The following DNAH8 variants were observed in gnomAD, a reference collection of about 807,000 sequenced individuals.
The protein encoded by DNAH8 is dynein axonemal heavy chain 8, also known as axonemal beta dynein heavy chain 8.
A neutral mutation model predicts 562.1 loss-of-function variants in DNAH8; 382 were observed. That is an observed-to-expected ratio of 0.68 (90% CI 0.63 to 0.74). DNAH8 has a LOEUF of 0.74. DNAH8 is among the 30% of genes least tolerant of loss of function. DNAH8 has a pLI of 0.00. For missense variants in DNAH8, 5,203 were observed against 5,620.4 expected, an observed-to-expected ratio of 0.93 and a Z score of 2.37; for synonymous variants, 1,881 against 1,919.4, an observed-to-expected ratio of 0.98 and a Z score of 0.52.
chr6:38,815,586 CTG>C lies in DNAH8; in HGVS notation c.3454_3455del (p.Val1152HisfsTer8), dbSNP rs761228106. On this transcript the variant is annotated frameshift_variant, in exon 26 of 93. Transcript: ENST00000327475. LOFTEE classifies it high-confidence loss of function. Reference sequence around the variant, plus strand: ...CAACAGCAAATCCGTCCCATCAAGTCTGTCATTCCCAGCCCCACCACTACTGA... The same window carrying C: ...CAACAGCAAATCCGTCCCATCAAGTCTCATTCCCAGCCCCACCACTACTGA... The C allele has an allele frequency of 1.2e-6, 2 of 1,614,030 alleles. No individual in the cohort carries two copies. Among genetic ancestry groups the C allele is most frequent in the East Asian group, 4.5e-5 (2 of 44,846 alleles).
intron 88 of DNAH8, 42 bp from the exon 89 acceptor site, chr6:39,008,772 T>C (rs757103488): frequency 1.5e-6 from 2 of 1,310,020 alleles, no homozygotes; most frequent in South Asian, 1.4e-5. Context: ...ATCTCTTACA[T>C]GTTTCCCTGT....
chr6:38,770,514 G>C lies in DNAH8; in HGVS notation c.1719G>C (p.Met573Ile). 6.2e-7 allele frequency: 1 copy of C among 1,604,214 alleles called. No homozygotes were observed. The highest frequency in any genetic ancestry group is 8.5e-7 in the Non-Finnish European group (1 of 1,177,616). The change falls in exon 12 of 93, where the codon ATG (methionine) becomes ATC (isoleucine). Residue 573 changes from methionine to isoleucine, a missense_variant. Transcript: ENST00000327475. Reference protein sequence around the residue: ...SGEKSFEVSEMYIFGKFEAFC... With the variant: ...SGEKSFEVSEIYIFGKFEAFC... The stretch of plus-strand genomic sequence containing the variant: ...AAAAATCTTTTGAGGTTTCAGAAAT[G>C]TATATATTTGGAAAATTTGAAGCTT...
rs758936353 is a variant in DNAH8 at position 38,951,304 on chromosome 6, G to C, written c.12249-14G>C. On this transcript the variant is annotated splice_polypyrimidine_tract_variant and intron_variant, in intron 81 of 92. Coordinates refer to ENST00000327475, the MANE Select transcript of DNAH8 (RefSeq NM_001206927.2). Reference sequence around the variant, plus strand: ...ACGTTTAGTTTATTTCGCCTAACTTGTATTCATTTTTAGGTCTTGGTGCCC... The same window carrying C: ...ACGTTTAGTTTATTTCGCCTAACTTCTATTCATTTTTAGGTCTTGGTGCCC... The C allele has an allele frequency of 1.9e-6, 3 of 1,611,744 alleles. No homozygotes were observed. Among genetic ancestry groups the C allele is most frequent in the South Asian group, 2.2e-5 (2 of 90,948 alleles).
chr6:38,893,503 A>G (rs918589137), intron 58 of DNAH8, among the ~76,000 whole-genome samples: 9 of 152,198 alleles, frequency 5.9e-5, no homozygotes, highest in Non-Finnish European at 2.9e-5. Flanking sequence ...GGAGTGTTAT[A>G]CTATAAAAAA....
chr6:38,922,940 G>C, intron 71 of DNAH8, 118 bp from the exon 72 acceptor site: 2 of 1,009,128 alleles, frequency 2.0e-6, no homozygotes, highest in Non-Finnish European at 2.9e-6. Flanking sequence ...GTATTTTTAG[G>C]TTATATTATT....
At chr6:38,891,775 G>C (rs550778426) in intron 58 of DNAH8, among the ~76,000 whole-genome samples, 1 of 152,312 alleles carries the variant, frequency 6.6e-6, no homozygotes, top group East Asian at 1.9e-4. Context: ...TATATACATA[G>C]TTCTCTGAAA....
At chr6:38,734,927 T>C (rs1266927187) in intron 5 of DNAH8, among the ~76,000 whole-genome samples, 2 of 152,220 alleles carry the variant, frequency 1.3e-5, no homozygotes. Flanking sequence ...CTTCACTCAA[T>C]ATTTTAACTC....
intron 58 of DNAH8, among the ~76,000 whole-genome samples, chr6:38,893,062 C>T (rs566849939): frequency 2.0e-5 from 3 of 152,170 alleles, no homozygotes; most frequent in African/African-American, 7.2e-5. Flanking sequence ...CCTGTTCATT[C>T]TCAGGCTCTC....
rs1213005315 is a variant in DNAH8, at chr6:38,888,504, T to C, written c.8473+1500T>C. ...ACATATAATAACAACAAAAATGTCA[T>C]ATTCTGAATATTTAGAGAAATCCTA... On this transcript the variant is annotated intron_variant, in intron 57 of 92. Coordinates refer to ENST00000327475, the MANE Select transcript of DNAH8 (RefSeq NM_001206927.2). 2.6e-5 allele frequency among the ~76,000 whole-genome samples: 4 copies of C among 152,200 alleles called. No homozygotes were observed. The East Asian group carries it at 5.8e-4, about 22-fold the overall frequency.
At chr6:38,911,012 C>A (rs2150529952) in intron 65 of DNAH8, among the ~76,000 whole-genome samples, 1 of 152,216 alleles carries the variant, frequency 6.6e-6, no homozygotes, top group Admixed American at 6.5e-5. Flanking sequence ...TTCTGTAAAC[C>A]CACCCAGCTG....
intron 19 of DNAH8, 32 bp downstream of exon 19, chr6:38,789,915 C>T (rs1769544771): frequency 4.0e-6 from 6 of 1,512,298 alleles, no homozygotes; most frequent in Non-Finnish European, 5.5e-6. Context: ...TATTGATTTT[C>T]CTGTTATTTA....
rs1489751499 is a variant in DNAH8 at position 38,857,651 on chromosome 6, A to G, written c.5867A>G (p.Gln1956Arg). 1.2e-6 allele frequency: 2 copies of G among 1,613,738 alleles called. No individual in the cohort carries two copies. The highest frequency in any genetic ancestry group is 2.7e-5 in the African/African-American group (2 of 75,042). ...FLDILNTLIS[Q>R]TTHDLSKFDR... Reference sequence around the variant, plus strand: ...GATATTCTAAATACTCTCATTAGTCAGACAACACATGATCTAAGCAAGTTT... The same window carrying G: ...GATATTCTAAATACTCTCATTAGTCGGACAACACATGATCTAAGCAAGTTT... The change falls in exon 42 of 93, where the codon CAG (glutamine) becomes CGG (arginine). Residue 1956 changes from glutamine to arginine, a missense_variant. Gln to Arg is a conservative substitution (Grantham distance 43). Transcript: ENST00000327475.
At chr6:38,772,279 C>G (rs187538520) in intron 12 of DNAH8, among the ~76,000 whole-genome samples, 200 of 152,214 alleles carry the variant, frequency 1.3e-3, no homozygotes, top group African/African-American at 4.6e-3. Flanking sequence ...CCACCCACCT[C>G]GACCTCCCAA....
chr6:38,801,551 A>G (rs1385761748), intron 21 of DNAH8, among the ~76,000 whole-genome samples: 3 of 152,254 alleles, frequency 2.0e-5, no homozygotes, highest in Admixed American at 6.5e-5. Flanking sequence ...TGCCATGATC[A>G]GCTGGAATTG....
intron 21 of DNAH8, among the ~76,000 whole-genome samples, chr6:38,798,555 G>A (rs1259778599): frequency 2.6e-5 from 4 of 152,194 alleles, no homozygotes; most frequent in Non-Finnish European, 5.9e-5. Context: ...TTTGCCACTT[G>A]TTGAACATAA....
At chr6:39,009,146 C>G (rs1414934317) in intron 89 of DNAH8, among the ~76,000 whole-genome samples, 176 bp downstream of exon 89, 1 of 152,132 alleles carries the variant, frequency 6.6e-6, no homozygotes, top group Middle Eastern at 3.2e-3. Context: ...ACATAGTTCT[C>G]TCTTCAAAAC....
In DNAH8 at chr6:38,722,818, G is replaced by T. The variant is rs565853864; in HGVS notation, c.9G>T (p.Lys3Asn). The T allele has an allele frequency of 3.2e-6, 5 of 1,586,390 alleles. No individual in the cohort carries two copies. The highest frequency in any genetic ancestry group is 2.3e-5 in the South Asian group (2 of 87,776). The change falls in exon 2 of 93, where the codon AAG becomes AAT. Residue 3 changes from lysine (K) to asparagine (N), a missense_variant. Coordinates refer to ENST00000327475, the MANE Select transcript of DNAH8 (RefSeq NM_001206927.2). ME[K>N]DAEDGAPSEG... is the part of the protein sequence containing the mutation. ...ATTCCGCACGACGGGGGATGGAGAAGGATGCTGAAGATGGCGCCCCTTCTG... is the reference window on the plus strand; with the variant it reads ...ATTCCGCACGACGGGGGATGGAGAATGATGCTGAAGATGGCGCCCCTTCTG...
intron 5 of DNAH8, among the ~76,000 whole-genome samples, chr6:38,735,479 A>G (rs1764003034): frequency 2.6e-5 from 4 of 152,302 alleles, no homozygotes; most frequent in East Asian, 3.9e-4. Flanking sequence ...AGTGTAATTC[A>G]TAGGTAATCT....
chr6:38,722,367 C>T (rs185270886), intron 1 of DNAH8, among the ~76,000 whole-genome samples: 18 of 152,264 alleles, frequency 1.2e-4, no homozygotes, highest in East Asian at 9.6e-4. Flanking sequence ...TGGTCTCTTG[C>T]ACAGTGAGTA....
Sources: allele counts gnomAD v4.1 joint callset (sites outside exome capture counted in the v4.1 genomes callset), GRCh38; gene constraint gnomAD v4.1.1; transcripts MANE v1.5; gene names NCBI Gene and HGNC (gene_info 2026-07-23, HGNC 2026-07-21).